KDM4C: variants seen among roughly 807,000 people sequenced by gnomAD.
KDM4C encodes lysine demethylase 4C.
In KDM4C, 81 loss-of-function variants were observed where a neutral mutation model predicts 129.3. The ratio of observed to expected loss-of-function variants is 0.63; its 90% CI spans 0.52 to 0.75. KDM4C has a LOEUF of 0.75. KDM4C is among the 30% of genes least tolerant of loss of function. The pLI is 0.00. For missense variants in KDM4C, 1,457 were observed against 1,304.0 expected (o/e 1.12, Z -1.81); for synonymous variants, 573 against 456.1 (o/e 1.26, Z -3.26).
At chr9:7,165,101 C>T in intron 19 of KDM4C, 137 bp from the exon 20 acceptor site, 1 of 984,726 alleles carries the variant, frequency 1.0e-6, no homozygotes. Flanking sequence ...TTCCCCTGAA[C>T]ACCCATGCGA....
In KDM4C at chr9:6,984,308, G is replaced by A; in HGVS notation, c.1258G>A (p.Val420Met). The change falls in exon 10 of 22, where the codon GTG becomes ATG. Residue 420 changes from valine to methionine, a missense_variant. By Grantham distance (21) the Val-to-Met change is conservative (BLOSUM62 1). Coordinates refer to ENST00000381309, the MANE Select transcript of KDM4C (RefSeq NM_015061.6). ...LKVSEKSEAA[V>M]KLRNTEASSE... ...GGTCAGTGAAAAGTCAGAAGCAGCA[G>A]TGAAGCTGAGGAACACAGAAGCATC... 6.2e-7 allele frequency: 1 copy of A among 1,614,116 alleles called. No individual in the cohort carries two copies. The highest frequency in any genetic ancestry group is 8.5e-7 in the Non-Finnish European group (1 of 1,179,962).
chr9:6,819,361 G>A (rs149335132), intron 4 of KDM4C, among the ~76,000 whole-genome samples: 5 of 152,286 alleles, frequency 3.3e-5, no homozygotes, highest in Admixed American at 6.5e-5. Flanking sequence ...CTTCAGATTT[G>A]TGTAACTTTT....
intron 8 of KDM4C, among the ~76,000 whole-genome samples, chr9:6,963,629 A>G (rs1319878271): frequency 6.6e-6 from 1 of 152,224 alleles, no homozygotes; most frequent in Non-Finnish European, 1.5e-5. Flanking sequence ...AACAGTGGAG[A>G]GACAGGACAT....
At chr9:7,018,248 C>T (rs533600685) in intron 15 of KDM4C, among the ~76,000 whole-genome samples, 15 of 150,306 alleles carry the variant, frequency 1.0e-4, no homozygotes, top group African/African-American at 1.8e-4. Flanking sequence ...GGTAAGTGTT[C>T]GTGTACCTAA....
intron 19 of KDM4C, among the ~76,000 whole-genome samples, chr9:7,164,637 T>C (rs1556097): frequency 0.97 from 147,627 of 152,302 alleles, 71,587 homozygotes; most frequent in East Asian, 1. Flanking sequence ...TTTTCCCTTC[T>C]CTGCTTTATT....
rs10975885 is a variant in KDM4C at position 6,903,022 on chromosome 9, T to C, written c.921+9790T>C. 9.0e-3 allele frequency among the ~76,000 whole-genome samples: 1,370 copies of C among 152,316 alleles called. 7 individuals are homozygous for C. Among genetic ancestry groups the C allele is most frequent in the Non-Finnish European group, 0.016 (1,120 of 68,028 alleles). On this transcript the variant is annotated intron_variant, in intron 8 of 21. Transcript: ENST00000381309. ...CCCTTGGAAAAAACACCATCCTGGA[T>C]GGTAGAGATTACTGCTAAGCTTTGA...
At chr9:7,035,689 C>T (rs1042816202) in intron 15 of KDM4C, among the ~76,000 whole-genome samples, 2 of 152,048 alleles carry the variant, frequency 1.3e-5, no homozygotes, top group Non-Finnish European at 2.9e-5. Flanking sequence ...AGTCTACTTT[C>T]ATTCTTCTGC....
intron 8 of KDM4C, among the ~76,000 whole-genome samples, chr9:6,916,063 A>T (rs1361956845): frequency 6.6e-6 from 1 of 152,108 alleles, no homozygotes; most frequent in African/African-American, 2.4e-5. Context: ...TGAAGATTGG[A>T]TGGTGTTTTG....
chr9:7,061,365 G>T (rs1831643566), intron 17 of KDM4C, among the ~76,000 whole-genome samples: 1 of 152,206 alleles, frequency 6.6e-6, no homozygotes, highest in Non-Finnish European at 1.5e-5. Flanking sequence ...TCCCGTTACA[G>T]TTTTTGACTG....
rs145349766 is a variant in KDM4C, at chr9:6,832,407, A to G, written c.436-17100A>G. On this transcript the variant is annotated intron_variant, in intron 4 of 21. Coordinates refer to ENST00000381309, the MANE Select transcript of KDM4C (RefSeq NM_015061.6). ...AGAAAATATGAATAAAGTAGTATAGATTATTCTTTTTCTTTTTTTTCTTTT... is the reference window on the plus strand; with the variant it reads ...AGAAAATATGAATAAAGTAGTATAGGTTATTCTTTTTCTTTTTTTTCTTTT... Among the ~76,000 whole-genome samples the G allele has an allele frequency of 5.5e-3, 802 of 147,110 alleles. 9 individuals are homozygous for G. Among genetic ancestry groups the G allele is most frequent in the African/African-American group, 0.019 (765 of 40,162 alleles).
chr9:6,946,203 A>G (rs1220426792), intron 8 of KDM4C, among the ~76,000 whole-genome samples: 1 of 152,190 alleles, frequency 6.6e-6, no homozygotes, highest in Non-Finnish European at 1.5e-5. Context: ...CTATATTTAA[A>G]GAAATTATGC....
intron 17 of KDM4C, among the ~76,000 whole-genome samples, chr9:7,057,497 T>C (rs1367498737): frequency 2.0e-5 from 3 of 152,268 alleles, no homozygotes; most frequent in African/African-American, 7.2e-5. Context: ...ACCTTGGCTA[T>C]GCAGATTAAC....
chr9:6,857,925 T>G lies in KDM4C; in HGVS notation c.629+8225T>G, dbSNP rs965236227. ...GCATGTTAACACATCTGGCTAAGTT[T>G]TTTTTTTTTTTTTTTTTTTTTAGAG... On this transcript the variant is annotated intron_variant, in intron 5 of 21. Coordinates refer to ENST00000381309, the MANE Select transcript of KDM4C (RefSeq NM_015061.6). Among the ~76,000 whole-genome samples, 698 of 124,100 alleles carry G rather than the reference T, an allele frequency of 5.6e-3. 5 individuals are homozygous for G. The highest frequency in any genetic ancestry group is 0.019 in the African/African-American group (657 of 35,362). 81.4% of individuals were successfully genotyped at this position (124,100 alleles called of 152,430 possible). A position where few individuals can be genotyped will look rare whatever the true frequency, so the allele number is the denominator to read the frequency against.
intron 1 of KDM4C, among the ~76,000 whole-genome samples, chr9:6,782,143 G>A (rs900043270): frequency 4.6e-5 from 7 of 152,114 alleles, no homozygotes; most frequent in African/African-American, 1.7e-4. Flanking sequence ...ATTTTAGTGA[G>A]TAGGTAAATT....
In KDM4C at chr9:7,118,249, TAAAAACCCATGAGAAATAAAA is replaced by T. The variant is rs1247809286; in HGVS notation, c.2611-9816_2611-9796del. Among the ~76,000 whole-genome samples, 14 of 152,368 alleles carry T rather than the reference TAAAAACCCATGAGAAATAAAA, an allele frequency of 9.2e-5. No individual in the cohort carries two copies. In the East Asian group the frequency reaches 2.7e-3, roughly 29 times the overall value. ...TCCCACTGTATTATATGTTTGTAAT[TAAAAACCCATGAGAAATAAAA>T]GTACACGTGAACATACACACATGTG... On this transcript the variant is annotated intron_variant, in intron 18 of 21. Coordinates refer to ENST00000381309, the MANE Select transcript of KDM4C (RefSeq NM_015061.6).
At position 6,818,537 on chromosome 9, in the gene KDM4C, G is replaced by A. The variant is rs114736527; in HGVS notation, c.435+3792G>A. ...TCTGGGAAGGGTGTGGCAGCAAGTA[G>A]GACATGTAGGAAATTGATGGTGAGG... On this transcript the variant is annotated intron_variant, in intron 4 of 21. Coordinates refer to ENST00000381309, the MANE Select transcript of KDM4C (RefSeq NM_015061.6). Among the ~76,000 whole-genome samples, 554 of 152,304 alleles carry A rather than the reference G, an allele frequency of 3.6e-3. 5 individuals are homozygous for A. Among genetic ancestry groups the A allele is most frequent in the African/African-American group, 0.012 (519 of 41,560 alleles).
chr9:6,726,567 C>G (rs185935657), intron 1 of KDM4C: 1 of 152,478 alleles, frequency 6.6e-6, no homozygotes, highest in East Asian at 1.9e-4. Flanking sequence ...TCCTCCGCTT[C>G]TCTTTGGCTA....
chr9:7,145,949 C>G (rs376763395), intron 19 of KDM4C, among the ~76,000 whole-genome samples: 1 of 152,328 alleles, frequency 6.6e-6, no homozygotes, highest in African/African-American at 2.4e-5. Flanking sequence ...AGATGTTGCT[C>G]TCAGGTGTGG....
chr9:6,734,397 T>C (rs545380568), intron 1 of KDM4C, among the ~76,000 whole-genome samples: 6 of 149,510 alleles, frequency 4.0e-5, no homozygotes, highest in Admixed American at 2.7e-4. Context: ...CGGGTTCAAG[T>C]GATTCTCCTG....
Sources: gnomAD v4.1 joint callset for allele counts (sites outside exome capture counted in the v4.1 genomes callset) on GRCh38, gnomAD v4.1.1 for gene constraint, MANE v1.5 for transcripts, NCBI Gene and HGNC (gene_info 2026-07-23, HGNC 2026-07-21) for gene names.